SPAG16: variants seen among roughly 807,000 people sequenced by gnomAD.
The protein encoded by SPAG16 is sperm associated antigen 16.
A neutral mutation model predicts 80.4 loss-of-function variants in SPAG16; 86 were observed. That is an observed-to-expected ratio of 1.07 (90% CI 0.90 to 1.28). SPAG16 has a LOEUF of 1.28. Among genes scored for constraint, SPAG16 ranks in the 50% most tolerant of loss-of-function variants. The probability of loss-of-function intolerance (pLI) is 0.00; values close to 1 mark genes in which losing one functional copy is unlikely to be tolerated. For missense variants in SPAG16, 870 were observed against 765.3 expected, an observed-to-expected ratio of 1.14 and a Z score of -1.61; for synonymous variants, 294 against 265.9, an observed-to-expected ratio of 1.11 and a Z score of -1.03.
At position 213,668,939 on chromosome 2, in the gene SPAG16, C is replaced by T. The variant is rs147324585; in HGVS notation, c.1070+178849C>T. On this transcript the variant is annotated intron_variant, in intron 10 of 15. Transcript: ENST00000331683. ...CTGGGATTACAGGCATGAGCCACTG[C>T]GCCCGGCCTGAGAAATATAATAGTA... Among the ~76,000 whole-genome samples the T allele has an allele frequency of 7.7e-3, 1,179 of 152,234 alleles. 16 individuals are homozygous for T. The highest frequency in any genetic ancestry group is 0.027 in the African/African-American group (1,131 of 41,560).
chr2:214,131,901 A>C (rs772571347), intron 14 of SPAG16, among the ~76,000 whole-genome samples: 8 of 152,154 alleles, frequency 5.3e-5, no homozygotes, highest in Non-Finnish European at 1.0e-4. Context: ...TAGAACGTAC[A>C]CCACCAAGAG....
intron 15 of SPAG16, among the ~76,000 whole-genome samples, chr2:214,211,182 A>G (rs17749383): frequency 0.3 from 45,602 of 151,994 alleles, 8,517 homozygotes; most frequent in Non-Finnish European, 0.42. Flanking sequence ...AAAATTCCCT[A>G]CATTTGAATG....
At chr2:213,634,704 C>T (rs979932115) in intron 10 of SPAG16, among the ~76,000 whole-genome samples, 5 of 152,024 alleles carry the variant, frequency 3.3e-5, no homozygotes, top group South Asian at 2.1e-4. Context: ...ACCTATAACC[C>T]GAGCAGTGTA....
intron 10 of SPAG16, among the ~76,000 whole-genome samples, chr2:213,848,949 A>G (rs991415165): frequency 6.6e-6 from 1 of 152,186 alleles, no homozygotes; most frequent in African/African-American, 2.4e-5. Flanking sequence ...ATTGACATAT[A>G]TATATAACTT....
chr2:214,173,962 C>T (rs1367646535), intron 15 of SPAG16, among the ~76,000 whole-genome samples: 1 of 151,866 alleles, frequency 6.6e-6, no homozygotes, highest in Non-Finnish European at 1.5e-5. Context: ...TAAACAGAAC[C>T]AAAGACAAAA....
At chr2:214,043,479 C>T (rs1057361476) in intron 13 of SPAG16, among the ~76,000 whole-genome samples, 1 of 152,108 alleles carries the variant, frequency 6.6e-6, no homozygotes, top group Non-Finnish European at 1.5e-5. Context: ...AGGCAAGCTG[C>T]TTTAATTTCT....
intron 15 of SPAG16, among the ~76,000 whole-genome samples, chr2:214,367,481 T>A (rs1361206423): frequency 6.6e-6 from 1 of 152,130 alleles, no homozygotes; most frequent in East Asian, 1.9e-4. Flanking sequence ...ATTAGCCTAA[T>A]GGATTAATGA....
chr2:213,950,764 A>G (rs543365054), intron 12 of SPAG16, among the ~76,000 whole-genome samples: 1 of 131,906 alleles, frequency 7.6e-6, no homozygotes, highest in South Asian at 2.4e-4. Flanking sequence ...ACTGGAGTGC[A>G]GTGGCATGAT....
At position 213,747,138 on chromosome 2, in the gene SPAG16, T is replaced by G. The variant is rs1387278571; in HGVS notation, c.1071-115347T>G. 2.0e-5 allele frequency among the ~76,000 whole-genome samples: 3 copies of G among 152,216 alleles called. No homozygotes were observed. The East Asian group carries it at 5.8e-4, about 29-fold the overall frequency. On this transcript the variant is annotated intron_variant, in intron 10 of 15. Transcript: ENST00000331683. ...CTTGTGTAGGCCTAGGCTAAGTATG[T>G]GCTTGTGTCTTAGCTTTTAACAAAA...
At chr2:213,496,196 A>G (rs1423501179) in intron 10 of SPAG16, among the ~76,000 whole-genome samples, 2 of 152,210 alleles carry the variant, frequency 1.3e-5, no homozygotes, top group Admixed American at 1.3e-4. Flanking sequence ...GTTGACAGTG[A>G]TATAGAGGCT....
At chr2:213,696,762 A>G (rs576072139) in intron 10 of SPAG16, among the ~76,000 whole-genome samples, 12 of 152,268 alleles carry the variant, frequency 7.9e-5, no homozygotes, top group African/African-American at 2.4e-4. Context: ...TGTTATAAGA[A>G]CTATTTCAAC....
At chr2:213,658,451 G>A (rs2125171699) in intron 10 of SPAG16, among the ~76,000 whole-genome samples, 1 of 152,212 alleles carries the variant, frequency 6.6e-6, no homozygotes, top group Admixed American at 6.5e-5. Flanking sequence ...AAGCAGCAGG[G>A]ACATCTATCT....
At chr2:214,284,567 G>T (rs969555696) in intron 15 of SPAG16, among the ~76,000 whole-genome samples, 1 of 152,164 alleles carries the variant, frequency 6.6e-6, no homozygotes, top group African/African-American at 2.4e-5. Context: ...TGCTCCTTTT[G>T]TCCACTGAAA....
intron 15 of SPAG16, among the ~76,000 whole-genome samples, chr2:214,190,390 A>G (rs1978415): frequency 0.82 from 124,903 of 152,026 alleles, 51,640 homozygotes; most frequent in East Asian, 0.88. Context: ...TCTTCTTCAT[A>G]TATGCCCCCA....
intron 14 of SPAG16, among the ~76,000 whole-genome samples, chr2:214,146,796 C>G (rs578062967): frequency 2.6e-4 from 40 of 152,108 alleles, no homozygotes; most frequent in Non-Finnish European, 5.3e-4. Context: ...GTCAGGAGAT[C>G]AAGACCATCC....
chr2:213,787,809 A>G (rs2070437840), intron 10 of SPAG16, among the ~76,000 whole-genome samples: 1 of 152,066 alleles, frequency 6.6e-6, no homozygotes, highest in African/African-American at 2.4e-5. Flanking sequence ...ATATTATACT[A>G]TGAAATAAAA....
chr2:213,524,609 A>G (rs986922746), intron 10 of SPAG16, among the ~76,000 whole-genome samples: 3 of 152,224 alleles, frequency 2.0e-5, no homozygotes, highest in Non-Finnish European at 4.4e-5. Flanking sequence ...TGTGACCTGG[A>G]TGCGAGACAT....
At position 213,317,395 on chromosome 2, in the gene SPAG16, T is replaced by A. The variant is rs370170620; in HGVS notation, c.536+39T>A. The A allele has an allele frequency of 5.1e-6, 8 of 1,581,654 alleles. No individual in the cohort carries two copies. The African/African-American group carries it at 1.1e-4, about 22-fold the overall frequency. ...TAAATGACATTTTCTTCTTTTTCTT[T>A]TGGACTAAATAAAAGAGTTGAGTGA... On this transcript the variant is annotated intron_variant, in intron 5 of 15. Transcript: ENST00000331683.
intron 9 of SPAG16, among the ~76,000 whole-genome samples, chr2:213,453,816 AAGGG>A (rs1234076799): frequency 1.3e-5 from 2 of 152,220 alleles, no homozygotes; most frequent in Admixed American, 1.3e-4. Context: ...ACAGCATATG[AAGGG>A]AAACTTCATT....
Sources: allele counts gnomAD v4.1 joint callset (sites outside exome capture counted in the v4.1 genomes callset), GRCh38; gene constraint gnomAD v4.1.1; transcripts MANE v1.5; gene names NCBI Gene and HGNC (gene_info 2026-07-23, HGNC 2026-07-21).